MEGF11: variants seen among roughly 807,000 people sequenced by gnomAD.
The protein encoded by MEGF11 is multiple EGF like domains 11, also known as multiple epidermal growth factor-like domains protein 11.
Under a neutral mutation model 146.6 loss-of-function variants are expected in MEGF11, and 126 were observed. The ratio of observed to expected loss-of-function variants is 0.86; its 90% CI spans 0.74 to 1.00. MEGF11 has a LOEUF of 1.00. Among genes scored for constraint, MEGF11 ranks in the 50% least tolerant of loss-of-function variants. The pLI is 0.00. For synonymous variants in MEGF11, 532 were observed against 583.4 expected (o/e 0.91, Z 1.27); for missense variants, 1,509 against 1,521.2 (o/e 0.99, Z 0.13).
intron 2 of MEGF11, among the ~76,000 whole-genome samples, chr15:66,127,293 T>C (rs1025308616): frequency 2.0e-5 from 3 of 152,218 alleles, no homozygotes; most frequent in African/African-American, 7.2e-5. Context: ...CTCAACTTTG[T>C]TGGGACACCA....
chr15:66,043,211 G>C (rs2084058514), intron 5 of MEGF11, among the ~76,000 whole-genome samples: 1 of 152,222 alleles, frequency 6.6e-6, no homozygotes, highest in Non-Finnish European at 1.5e-5. Context: ...CACATAGTAG[G>C]TATTCAACAG....
intron 4 of MEGF11, among the ~76,000 whole-genome samples, chr15:66,113,478 G>A (rs557256653): frequency 2.6e-5 from 4 of 152,304 alleles, no homozygotes; most frequent in South Asian, 4.1e-4. Flanking sequence ...GGGGAATTGG[G>A]CAGATAGACT....
At chr15:66,163,896 C>T (rs545955621) in intron 1 of MEGF11, among the ~76,000 whole-genome samples, 43 of 152,286 alleles carry the variant, frequency 2.8e-4, no homozygotes, top group African/African-American at 8.4e-4. Context: ...CTTGTGCCAC[C>T]GTTTTAATTC....
chr15:66,216,177 T>G (rs551353586), intron 1 of MEGF11, among the ~76,000 whole-genome samples: 1 of 152,286 alleles, frequency 6.6e-6, no homozygotes, highest in South Asian at 2.1e-4. Context: ...AAATTCCCAT[T>G]GATGCTGAGG....
chr15:66,195,474 C>A (rs773030284), intron 1 of MEGF11, among the ~76,000 whole-genome samples: 10 of 152,172 alleles, frequency 6.6e-5, no homozygotes, highest in Non-Finnish European at 1.5e-4. Context: ...AAACCTAAGA[C>A]AAAGGTATGT....
At chr15:66,150,914 T>C (rs1273514698) in intron 1 of MEGF11, among the ~76,000 whole-genome samples, 1 of 145,952 alleles carries the variant, frequency 6.9e-6, no homozygotes, top group African/African-American at 2.6e-5. Flanking sequence ...TGACTAAGGG[T>C]GAAAACTCAG....
chr15:66,006,417 A>G (rs868443079), intron 5 of MEGF11, among the ~76,000 whole-genome samples: 1 of 152,198 alleles, frequency 6.6e-6, no homozygotes, highest in Non-Finnish European at 1.5e-5. Flanking sequence ...TTCCATTTTC[A>G]TTTAATCTCT....
chr15:65,977,786 G>GCA (rs1407252504), intron 7 of MEGF11, among the ~76,000 whole-genome samples: 2 of 151,700 alleles, frequency 1.3e-5, no homozygotes, highest in African/African-American at 2.4e-5. Flanking sequence ...ATGCATGTAG[G>GCA]CACACACACA....
chr15:66,246,699 T>C (rs58480841), intron 1 of MEGF11, among the ~76,000 whole-genome samples: 5,954 of 152,088 alleles, frequency 0.039, 391 homozygotes, highest in African/African-American at 0.14. Flanking sequence ...TAGTCCCAGC[T>C]ACTTGGGAGG....
intron 1 of MEGF11, among the ~76,000 whole-genome samples, chr15:66,134,710 C>G (rs7166955): frequency 0.22 from 33,936 of 152,222 alleles, 3,976 homozygotes; most frequent in Non-Finnish European, 0.27. Flanking sequence ...AGGGGCCCAG[C>G]GGGGAGAAGG....
intron 5 of MEGF11, among the ~76,000 whole-genome samples, chr15:66,057,152 C>G (rs2084707985): frequency 6.6e-6 from 1 of 152,138 alleles, no homozygotes; most frequent in Non-Finnish European, 1.5e-5. Flanking sequence ...CAGGCTGACT[C>G]TCCCTTCCCA....
chr15:66,160,393 C>T (rs1439408362), intron 1 of MEGF11, among the ~76,000 whole-genome samples: 1 of 152,054 alleles, frequency 6.6e-6, no homozygotes, highest in Non-Finnish European at 1.5e-5. Context: ...AGATAAAAGG[C>T]CTAGTTCCCC....
At chr15:66,150,146 C>T (rs1448396664) in intron 1 of MEGF11, among the ~76,000 whole-genome samples, 2 of 152,238 alleles carry the variant, frequency 1.3e-5, no homozygotes, top group Non-Finnish European at 1.5e-5. Context: ...CAAAGCTTCT[C>T]TGATCCCTTT....
chr15:65,943,429 C>T (rs893744477), intron 10 of MEGF11, among the ~76,000 whole-genome samples: 2 of 152,086 alleles, frequency 1.3e-5, no homozygotes, highest in Non-Finnish European at 2.9e-5. Flanking sequence ...AACTTCTCCA[C>T]GTGCATGTTC....
At chr15:66,095,727 G>A (rs2086517757) in intron 4 of MEGF11, among the ~76,000 whole-genome samples, 1 of 152,224 alleles carries the variant, frequency 6.6e-6, no homozygotes, top group South Asian at 2.1e-4. Flanking sequence ...CCACTGGTCA[G>A]TGGTCTGGAG....
intron 5 of MEGF11, among the ~76,000 whole-genome samples, chr15:66,051,504 A>G (rs1446598985): frequency 6.6e-6 from 1 of 152,202 alleles, no homozygotes; most frequent in Non-Finnish European, 1.5e-5. Context: ...AAAAGCACAG[A>G]GGGAAGACAA....
chr15:65,954,933 T>C (rs2080527960), intron 10 of MEGF11, among the ~76,000 whole-genome samples: 1 of 152,184 alleles, frequency 6.6e-6, no homozygotes, highest in Non-Finnish European at 1.5e-5. Context: ...CGTAAAACCC[T>C]CAATGAGCTT....
chr15:66,178,042 G>C (rs541019849), intron 1 of MEGF11, among the ~76,000 whole-genome samples: 1 of 152,220 alleles, frequency 6.6e-6, no homozygotes, highest in Non-Finnish European at 1.5e-5. Flanking sequence ...AGAGTGCAGT[G>C]GCACTATCAC....
At chr15:66,171,915 C>G (rs974243495) in intron 1 of MEGF11, among the ~76,000 whole-genome samples, 2 of 152,152 alleles carry the variant, frequency 1.3e-5, no homozygotes, top group Non-Finnish European at 2.9e-5. Flanking sequence ...AGTTCAATAT[C>G]CCCGCCGTCT....
Sources: gnomAD v4.1 joint callset for allele counts (sites outside exome capture counted in the v4.1 genomes callset) on GRCh38, gnomAD v4.1.1 for gene constraint, MANE v1.5 for transcripts, NCBI Gene and HGNC (gene_info 2026-07-23, HGNC 2026-07-21) for gene names.